SPIDR: variants seen among roughly 807,000 people sequenced by gnomAD.
SPIDR encodes the protein scaffold protein involved in DNA repair, also known as DNA repair-scaffolding protein.
Under a neutral mutation model 104.6 loss-of-function variants are expected in SPIDR, and 93 were observed. The ratio of observed to expected loss-of-function variants is 0.89; its 90% CI spans 0.75 to 1.06. SPIDR has a LOEUF of 1.06. Ranked by LOEUF, SPIDR falls within the 50% of genes least tolerant of loss-of-function variation. The probability of loss-of-function intolerance (pLI) is 0.00; values close to 1 mark genes in which losing one functional copy is unlikely to be tolerated. For synonymous variants in SPIDR, 431 were observed against 416.9 expected (o/e 1.03, Z -0.41); for missense variants, 1,154 against 1,111.2 (o/e 1.04, Z -0.55).
chr8:47,672,945 T>A (rs1589060931), intron 10 of SPIDR, among the ~76,000 whole-genome samples: 1 of 152,364 alleles, frequency 6.6e-6, no homozygotes, highest in East Asian at 1.9e-4. Flanking sequence ...TTCTTGACCC[T>A]TTTGCCAAGG....
intron 8 of SPIDR, among the ~76,000 whole-genome samples, chr8:47,475,758 G>T (rs2076215345): frequency 6.6e-6 from 1 of 152,160 alleles, no homozygotes; most frequent in Admixed American, 6.5e-5. Flanking sequence ...GATCCAAAAA[G>T]ATAAGAAGTA....
intron 5 of SPIDR, among the ~76,000 whole-genome samples, chr8:47,334,242 GC>G (rs1466701325): frequency 6.6e-6 from 1 of 152,158 alleles, no homozygotes; most frequent in African/African-American, 2.4e-5. Context: ...TATGTATTCT[GC>G]TATTGTTGGA....
In SPIDR at chr8:47,699,235, A is replaced by G. The variant is rs543754813; in HGVS notation, c.1686-1168A>G. On this transcript the variant is annotated intron_variant, in intron 11 of 19. Transcript: ENST00000297423. The stretch of plus-strand genomic sequence containing the variant: ...TGTGTTGGACACTCACTCTGAGCGT[A>G]GAAACCTTAGTAGGTGCTGCACATA... 2.8e-4 allele frequency among the ~76,000 whole-genome samples: 43 copies of G among 152,378 alleles called. No individual in the cohort carries two copies. In the South Asian group the frequency reaches 8.1e-3, roughly 29 times the overall value.
At chr8:47,311,493 G>A (rs1399120123) in intron 5 of SPIDR, among the ~76,000 whole-genome samples, 7 of 152,060 alleles carry the variant, frequency 4.6e-5, no homozygotes, top group African/African-American at 1.7e-4. Context: ...TAACACTTAA[G>A]TACATTATAG....
intron 10 of SPIDR, among the ~76,000 whole-genome samples, chr8:47,611,088 G>C (rs959716507): frequency 6.6e-6 from 1 of 152,228 alleles, no homozygotes; most frequent in South Asian, 2.1e-4. Flanking sequence ...TGATTGAGCA[G>C]CTGAGAAGGT....
At chr8:47,699,469 G>C (rs910623698) in intron 11 of SPIDR, among the ~76,000 whole-genome samples, 1 of 152,152 alleles carries the variant, frequency 6.6e-6, no homozygotes, top group Non-Finnish European at 1.5e-5. Flanking sequence ...GCCAGGTCTC[G>C]GAAGTGCAGT....
chr8:47,643,266 A>G (rs1388333427), intron 10 of SPIDR, among the ~76,000 whole-genome samples: 4 of 152,158 alleles, frequency 2.6e-5, no homozygotes, highest in Non-Finnish European at 5.9e-5. Context: ...GATGACTAAT[A>G]GGTATAACTC....
At chr8:47,524,030 A>G (rs964028430) in intron 8 of SPIDR, among the ~76,000 whole-genome samples, 3 of 152,200 alleles carry the variant, frequency 2.0e-5, no homozygotes, top group African/African-American at 4.8e-5. Context: ...AATACCACCA[A>G]AAGTTATTTT....
intron 14 of SPIDR, among the ~76,000 whole-genome samples, chr8:47,706,037 G>A (rs757485563): frequency 1.4e-4 from 22 of 152,026 alleles, no homozygotes; most frequent in Non-Finnish European, 2.8e-4. Context: ...AGAAATACAC[G>A]GGGGGTCTGG....
intron 7 of SPIDR, among the ~76,000 whole-genome samples, chr8:47,425,415 G>A (rs897172359): frequency 6.6e-5 from 10 of 152,064 alleles, no homozygotes; most frequent in African/African-American, 2.4e-4. Flanking sequence ...GAGAAAATCG[G>A]GACAGGTTAG....
intron 8 of SPIDR, among the ~76,000 whole-genome samples, chr8:47,461,844 A>T (rs1356374943): frequency 6.6e-6 from 1 of 150,998 alleles, no homozygotes; most frequent in Admixed American, 6.6e-5. Flanking sequence ...ATTTCCTTAA[A>T]TTGGACTTTA....
intron 19 of SPIDR, among the ~76,000 whole-genome samples, chr8:47,731,748 T>A (rs1366691151): frequency 6.6e-6 from 1 of 152,046 alleles, no homozygotes; most frequent in Non-Finnish European, 1.5e-5. Context: ...CTTGTCTGAG[T>A]CCTGGGGGTA....
At chr8:47,492,460 C>A (rs569914899) in intron 8 of SPIDR, among the ~76,000 whole-genome samples, 1 of 152,310 alleles carries the variant, frequency 6.6e-6, no homozygotes, top group South Asian at 2.1e-4. Flanking sequence ...TTGCACCCTG[C>A]TGATTGTAAA....
chr8:47,498,996 C>T lies in SPIDR; in HGVS notation c.1097+58454C>T, dbSNP rs895927234. ...CACTACCACGAGGGTTTTTCATTAC[C>T]ATCTAGAAGCAAAGACCTCTGTTTT... On this transcript the variant is annotated intron_variant, in intron 8 of 19. Coordinates refer to ENST00000297423, the MANE Select transcript of SPIDR (RefSeq NM_001080394.4). Among the ~76,000 whole-genome samples the T allele has an allele frequency of 2.0e-5, 3 of 152,064 alleles. No homozygotes were observed. The East Asian group carries it at 5.8e-4, about 29-fold the overall frequency.
At chr8:47,642,335 G>C (rs2069216589) in intron 10 of SPIDR, among the ~76,000 whole-genome samples, 1 of 151,250 alleles carries the variant, frequency 6.6e-6, no homozygotes, top group Admixed American at 6.6e-5. Context: ...TGAATGGTGT[G>C]AACCCAGGAG....
chr8:47,507,896 C>T (rs1229567207), intron 8 of SPIDR, among the ~76,000 whole-genome samples: 2 of 152,182 alleles, frequency 1.3e-5, no homozygotes, highest in East Asian at 1.9e-4. Flanking sequence ...GTTTTGACTT[C>T]GAGTATCCCA....
At chr8:47,557,256 A>G (rs753505547) in intron 8 of SPIDR, among the ~76,000 whole-genome samples, 1 of 152,200 alleles carries the variant, frequency 6.6e-6, no homozygotes, top group Non-Finnish European at 1.5e-5. Flanking sequence ...GAAGATGGAA[A>G]AAAGGGGGTG....
At chr8:47,600,229 G>A (rs1313724769) in intron 10 of SPIDR, among the ~76,000 whole-genome samples, 1 of 152,170 alleles carries the variant, frequency 6.6e-6, no homozygotes, top group Non-Finnish European at 1.5e-5. Context: ...CAATCATCCT[G>A]GCCGGGCATG....
At chr8:47,374,976 A>C (rs2058475729) in intron 5 of SPIDR, among the ~76,000 whole-genome samples, 1 of 151,910 alleles carries the variant, frequency 6.6e-6, no homozygotes, top group Admixed American at 6.6e-5. Flanking sequence ...GATCACTTGA[A>C]CCCGGGCAGT....
Sources: gnomAD v4.1 joint callset for allele counts (sites outside exome capture counted in the v4.1 genomes callset) on GRCh38, gnomAD v4.1.1 for gene constraint, MANE v1.5 for transcripts, NCBI Gene and HGNC (gene_info 2026-07-23, HGNC 2026-07-21) for gene names.